Variants in HELLS observed in about 807,000 individuals in gnomAD.
The protein encoded by HELLS is lymphoid-specific helicase.
HELLS carries 32 observed loss-of-function variants against 120.0 expected under a neutral mutation model. That is an observed-to-expected ratio of 0.27 (90% CI 0.20 to 0.36). The LOEUF (loss-of-function observed/expected upper bound fraction) is 0.36. Ranked by LOEUF, HELLS falls within the 10% of genes least tolerant of loss-of-function variation. The pLI is 1.00. For synonymous variants in HELLS, 341 were observed against 323.4 expected, an observed-to-expected ratio of 1.05 and a Z score of -0.58; for missense variants, 650 against 993.4, an observed-to-expected ratio of 0.65 and a Z score of 4.65.
Position 94,588,282 on chromosome 10 carries a change from T to C in HELLS, c.1380T>C (p.Val460=), listed in dbSNP as rs1193746811. ...TGAAGTCTGATGTTGCTCTTGAAGT[T>C]CCTCCTAAACGAGAAGTAGTCGTTT... ...RRLKSDVALE[V]PPKREVVVYA... is the part of the protein sequence containing the mutation. Residue 460 remains valine (V), a synonymous_variant, in exon 13 of 22, where the codon GTT becomes GTC. Transcript: ENST00000348459. 1 of 1,611,764 alleles carries C rather than the reference T, an allele frequency of 6.2e-7. No homozygotes were observed.
chr10:94,560,223 G>A (rs576039447), intron 4 of HELLS, among the ~76,000 whole-genome samples: 1 of 152,126 alleles, frequency 6.6e-6, no homozygotes, highest in Non-Finnish European at 1.5e-5. Context: ...GAAGAGACAG[G>A]GTTTCACCAT....
rs757684120 is a variant in HELLS at position 94,590,812 on chromosome 10, T to A, written c.1767+36T>A. 4.9e-6 allele frequency: 6 copies of A among 1,215,992 alleles called. No individual in the cohort carries two copies. The African/African-American group carries it at 7.8e-5, about 16-fold the overall frequency. The allele number at this position is 1,215,992 out of a possible 1,614,324, so 75.3% of individuals were successfully genotyped here. A position where few individuals can be genotyped will look rare whatever the true frequency, so the allele number is the denominator to read the frequency against. On this transcript the variant is annotated intron_variant, in intron 15 of 21. Coordinates refer to ENST00000348459, the MANE Select transcript of HELLS (RefSeq NM_018063.5). ...TTTAATTCTAATTTACTGTTTTGAT[T>A]TCCATTACTTTTATATTGGTGGAAA...
At chr10:94,561,245 A>C (rs1048042183) in intron 4 of HELLS, among the ~76,000 whole-genome samples, 4 of 151,980 alleles carry the variant, frequency 2.6e-5, no homozygotes, top group African/African-American at 9.7e-5. Flanking sequence ...TTGGCCTCTG[A>C]AAGTGCTGGG....
chr10:94,569,501 A>G (rs1447282893), intron 6 of HELLS: 13 of 152,222 alleles, frequency 8.5e-5, no homozygotes, highest in African/African-American at 2.9e-4. Context: ...TTTTAGAACC[A>G]TAACCACAAT....
Position 94,592,475 on chromosome 10 carries a change from G to A in HELLS, c.1932G>A (p.Arg644=), listed in dbSNP as rs777053487. 4.4e-6 allele frequency: 7 copies of A among 1,575,532 alleles called. No individual in the cohort carries two copies. In the East Asian group the frequency reaches 1.4e-4, roughly 30 times the overall value. ...ATCTCAGAGATTTCAACTTCAGCAG[G>A]CTTGATGGGTCCATGTCTTACTCAG... The part of the protein sequence containing the change: ...YCHLRDFNFS[R]LDGSMSYSER... The change falls in exon 17 of 22, where the codon AGG becomes AGA. Residue 644 remains arginine (R), a synonymous_variant. Transcript: ENST00000348459.
At chr10:94,598,112 T>A (rs1845831434) in intron 21 of HELLS, among the ~76,000 whole-genome samples, 2 of 152,176 alleles carry the variant, frequency 1.3e-5, no homozygotes, top group Non-Finnish European at 2.9e-5. Flanking sequence ...ACTTCATAAT[T>A]TCCTAATTAT....
chr10:94,578,033 G>A (rs926976233), intron 10 of HELLS, among the ~76,000 whole-genome samples: 121 of 137,204 alleles, frequency 8.8e-4, no homozygotes, highest in African/African-American at 3.1e-3. Context: ...ACTGCAGTCC[G>A]CAGTCCGGCC....
At chr10:94,606,550 A>G (rs559968798), downstream of HELLS, among the ~76,000 whole-genome samples, 2 of 151,572 alleles carry the variant, frequency 1.3e-5, no homozygotes, top group African/African-American at 2.4e-5. Flanking sequence ...GGGTCTTGCT[A>G]TGTTGCCCAG....
intron 4 of HELLS, among the ~76,000 whole-genome samples, chr10:94,561,221 C>T (rs982169416): frequency 1.3e-5 from 2 of 152,062 alleles, no homozygotes; most frequent in African/African-American, 4.8e-5. Context: ...ATCCCCCACA[C>T]CCACACCCAT....
rs551635219 is a variant in HELLS, at chr10:94,558,117, A to G, written c.277-22A>G. On this transcript the variant is annotated intron_variant, in intron 3 of 21. Transcript: ENST00000348459. ...AAATGTTGCACTTTCCACTTGTGAC[A>G]TAAGAAAAAATTGTCTTACAGGAAC... 33 of 1,557,750 alleles carry G rather than the reference A, an allele frequency of 2.1e-5. 1 individual carries two copies. Among genetic ancestry groups the G allele is most frequent in the Middle Eastern group, 3.4e-4 (2 of 5,936 alleles).
chr10:94,549,977 A>G (rs555107393), intron 2 of HELLS, among the ~76,000 whole-genome samples: 112 of 152,052 alleles, frequency 7.4e-4, no homozygotes, highest in African/African-American at 2.6e-3. Flanking sequence ...CTAGAGTGCA[A>G]TGGCGCAGTC....
At chr10:94,610,754 T>C (rs566091847) in exon 10 of HELLS, 2 of 152,248 alleles carry the variant, frequency 1.3e-5, no homozygotes, top group South Asian at 4.2e-4. Flanking sequence ...ATTCCCAGAA[T>C]TTTTGTATTT....
chr10:94,596,982 T>G, intron 20 of HELLS, 26 bp downstream of exon 20: 1 of 1,464,358 alleles, frequency 6.8e-7, no homozygotes, highest in South Asian at 1.2e-5. Context: ...TAGAAAGATT[T>G]AATTTGTAGC....
chr10:94,561,251 C>G (rs1843543246), intron 4 of HELLS, among the ~76,000 whole-genome samples: 1 of 152,066 alleles, frequency 6.6e-6, no homozygotes, highest in Non-Finnish European at 1.5e-5. Flanking sequence ...TCTGAAAGTG[C>G]TGGGATTACA....
intron 2 of HELLS, among the ~76,000 whole-genome samples, chr10:94,549,594 C>T (rs552045389): frequency 6.6e-6 from 1 of 151,944 alleles, no homozygotes; most frequent in Admixed American, 6.6e-5. Context: ...ACTCCTCCCA[C>T]CCCCCAATAA....
At chr10:94,572,059 C>T (rs1844202109) in intron 7 of HELLS, among the ~76,000 whole-genome samples, 1 of 152,070 alleles carries the variant, frequency 6.6e-6, no homozygotes, top group African/African-American at 2.4e-5. Context: ...GAGAGATAAT[C>T]TATTTGGTCA....
At chr10:94,584,294 A>G (rs1845016053) in intron 12 of HELLS, among the ~76,000 whole-genome samples, 1 of 152,044 alleles carries the variant, frequency 6.6e-6, no homozygotes, top group Admixed American at 6.5e-5. Flanking sequence ...TAATGTTGCA[A>G]ATAATTTCTT....
In HELLS at chr10:94,576,719, A is replaced by C; in HGVS notation, c.946A>C (p.Ile316Leu). 1 of 1,611,560 alleles carries C rather than the reference A, an allele frequency of 6.2e-7. No homozygotes were observed. The highest frequency in any genetic ancestry group is 8.5e-7 in the Non-Finnish European group (1 of 1,177,930). ...GGAACGTCAAAAATTGGTAAGAAATATTTACAAACGGAAAGGGACTTTGCA... is the reference window on the plus strand; with the variant it reads ...GGAACGTCAAAAATTGGTAAGAAATCTTTACAAACGGAAAGGGACTTTGCA... Reference protein sequence around the residue: ...QEERQKLVRNIYKRKGTLQIH... With the variant: ...QEERQKLVRNLYKRKGTLQIH... Residue 316 changes from isoleucine (I) to leucine (L), a missense_variant, in exon 10 of 22, where the codon ATT (isoleucine) becomes CTT (leucine). Physicochemically the swap from Ile to Leu is conservative, Grantham distance 5 (BLOSUM62 2). This residue lies in a region of HELLS where 61 missense variants were observed against 86.5 expected (regional missense o/e 0.71). Coordinates refer to ENST00000348459, the MANE Select transcript of HELLS (RefSeq NM_018063.5).
chr10:94,608,522 A>G (rs1448313322), intron 9 of HELLS, among the ~76,000 whole-genome samples: 1 of 152,244 alleles, frequency 6.6e-6, no homozygotes, highest in Non-Finnish European at 1.5e-5. Flanking sequence ...TGTCTACCAC[A>G]ACTCATACAA....
Sources: allele counts gnomAD v4.1 joint callset (sites outside exome capture counted in the v4.1 genomes callset), GRCh38; gene constraint gnomAD v4.1.1; regional missense constraint gnomAD v4.1.1; transcripts MANE v1.5; gene names NCBI Gene and HGNC (gene_info 2026-07-23, HGNC 2026-07-21).